IL1R1: variants seen among roughly 807,000 people sequenced by gnomAD.
The protein encoded by IL1R1 is interleukin 1 receptor type 1.
IL1R1 carries 22 observed loss-of-function variants against 50.2 expected under a neutral mutation model. That is an observed-to-expected ratio of 0.44 (90% CI 0.31 to 0.63). The LOEUF (loss-of-function observed/expected upper bound fraction) is 0.63, where lower values mean the gene tolerates loss of function less well. Ranked by LOEUF, IL1R1 falls within the 20% of genes least tolerant of loss-of-function variation. The pLI is 0.07. For synonymous variants in IL1R1, 251 were observed against 236.7 expected, an observed-to-expected ratio of 1.06 and a Z score of -0.55; for missense variants, 509 against 676.2, an observed-to-expected ratio of 0.75 and a Z score of 2.74.
In IL1R1 at chr2:102,165,096, C is replaced by CTATTT. The variant is rs748077949; in HGVS notation, c.297-6_297-2dup. 13 of 1,541,750 alleles carry CTATTT rather than the reference C, an allele frequency of 8.4e-6. No individual in the cohort carries two copies. The highest frequency in any genetic ancestry group is 2.0e-5 in the Admixed American group (1 of 49,086). ...ATACTTTTAATAATGCTTAACTTAC[C>CTATTT]TATTTTATTTTATTTTAGAAATTCA... is the stretch of plus-strand genomic sequence containing the variant. On this transcript the variant is annotated intron_variant, in intron 4 of 11. Coordinates refer to ENST00000410023, the MANE Select transcript of IL1R1 (RefSeq NM_000877.4).
intron 1 of IL1R1, among the ~76,000 whole-genome samples, chr2:102,077,756 C>T (rs919541419): frequency 1.3e-5 from 2 of 152,112 alleles, no homozygotes; most frequent in African/African-American, 4.8e-5. Context: ...CACACAAGAA[C>T]AGTGAAATAC....
intron 1 of IL1R1, among the ~76,000 whole-genome samples, chr2:102,128,444 A>C (rs1681846209): frequency 6.6e-6 from 1 of 152,242 alleles, no homozygotes; most frequent in African/African-American, 2.4e-5. Context: ...AATGTTTGGC[A>C]GGTAATGATC....
intron 7 of IL1R1, 136 bp from the exon 8 acceptor site, chr2:102,171,665 G>T (rs3917304): frequency 0.32 from 130,688 of 408,600 alleles, 22,579 homozygotes; most frequent in East Asian, 0.56. Flanking sequence ...GTTTTCTCTG[G>T]GTGGTGGGTT....
At chr2:102,176,286 C>T in intron 11 of IL1R1, 67 bp from the exon 12 acceptor site, 1 of 1,427,940 alleles carries the variant, frequency 7.0e-7, no homozygotes, top group Non-Finnish European at 9.6e-7. Context: ...CCTTGTGTGG[C>T]TTTGGTTCAG....
intron 3 of IL1R1, among the ~76,000 whole-genome samples, chr2:102,161,541 T>C (rs1368133846): frequency 6.6e-6 from 1 of 152,196 alleles, no homozygotes; most frequent in Non-Finnish European, 1.5e-5. Flanking sequence ...GAGTGGGGTT[T>C]CTCTAGTTTC....
At chr2:102,109,872 G>A (rs907322732) in intron 1 of IL1R1, among the ~76,000 whole-genome samples, 9 of 152,146 alleles carry the variant, frequency 5.9e-5, no homozygotes, top group Non-Finnish European at 1.2e-4. Context: ...GGCCAAGGGC[G>A]GCTTCGTTTC....
At chr2:102,080,407 G>A (rs1335061931) in intron 1 of IL1R1, among the ~76,000 whole-genome samples, 1 of 152,156 alleles carries the variant, frequency 6.6e-6, no homozygotes, top group Admixed American at 6.5e-5. Flanking sequence ...ATTAAAAAGT[G>A]AGCAAAAGAT....
At chr2:102,078,342 T>C (rs1162632184) in intron 1 of IL1R1, among the ~76,000 whole-genome samples, 1 of 151,892 alleles carries the variant, frequency 6.6e-6, no homozygotes, top group African/African-American at 2.4e-5. Flanking sequence ...AATTGAAAGA[T>C]GACTCAAATA....
chr2:102,094,030 A>T (rs2104319333), intron 1 of IL1R1, among the ~76,000 whole-genome samples: 1 of 152,288 alleles, frequency 6.6e-6, no homozygotes, highest in South Asian at 2.1e-4. Flanking sequence ...AAAACCAACC[A>T]ACCAACCAAC....
At chr2:102,137,296 C>CTT (rs2104429197) in intron 1 of IL1R1, among the ~76,000 whole-genome samples, 1 of 152,300 alleles carries the variant, frequency 6.6e-6, no homozygotes, top group South Asian at 2.1e-4. Flanking sequence ...TACCCTGAAA[C>CTT]TTGATGACTC....
chr2:102,098,681 G>C (rs1465680220), intron 1 of IL1R1, among the ~76,000 whole-genome samples: 1 of 152,116 alleles, frequency 6.6e-6, no homozygotes, highest in Non-Finnish European at 1.5e-5. Flanking sequence ...TTACAAAGAT[G>C]TATGTACATA....
At chr2:102,100,582 A>G (rs1680098286), upstream of IL1R1, among the ~76,000 whole-genome samples, 2 of 152,250 alleles carry the variant, frequency 1.3e-5, no homozygotes, top group African/African-American at 4.8e-5. Flanking sequence ...CTCACCATCT[A>G]ACAACCTCAT....
intron 3 of IL1R1, among the ~76,000 whole-genome samples, chr2:102,163,194 A>G (rs1684879716): frequency 6.6e-6 from 1 of 152,082 alleles, no homozygotes; most frequent in Non-Finnish European, 1.5e-5. Flanking sequence ...ACTGGTTTTA[A>G]ACAATTTTAT....
intron 1 of IL1R1, among the ~76,000 whole-genome samples, chr2:102,078,553 C>A (rs1456226499): frequency 8.0e-6 from 1 of 124,980 alleles, no homozygotes; most frequent in Non-Finnish European, 1.7e-5. Flanking sequence ...AATTAGCAGT[C>A]AAAAAACTTC....
chr2:102,152,681 T>C (rs1683795258), intron 1 of IL1R1, among the ~76,000 whole-genome samples: 1 of 151,784 alleles, frequency 6.6e-6, no homozygotes, highest in South Asian at 2.1e-4. Flanking sequence ...GCTGCTTTCA[T>C]ATCTGGGGCA....
intron 3 of IL1R1, among the ~76,000 whole-genome samples, chr2:102,159,329 A>G (rs1424564427): frequency 6.6e-6 from 1 of 152,242 alleles, no homozygotes; most frequent in Non-Finnish European, 1.5e-5. Flanking sequence ...TCCTTGGTCC[A>G]GTGAGTTTTC....
chr2:102,126,733 G>A (rs1049432951), intron 1 of IL1R1, among the ~76,000 whole-genome samples: 4 of 152,082 alleles, frequency 2.6e-5, no homozygotes, highest in Admixed American at 6.6e-5. Context: ...AACTCACTTA[G>A]GTTATAGCTA....
chr2:102,170,589 T>G (rs1685586002), intron 7 of IL1R1, among the ~76,000 whole-genome samples: 1 of 152,210 alleles, frequency 6.6e-6, no homozygotes, highest in South Asian at 2.1e-4. Flanking sequence ...TAAGACTTGT[T>G]TAGCAATAAC....
chr2:102,164,795 A>T lies in IL1R1; in HGVS notation c.83A>T (p.Glu28Val), dbSNP rs754771479. Residue 28 changes from glutamate (E) to valine (V), a missense_variant, in exon 4 of 12, where the codon GAA becomes GTA. By Grantham distance (121) the Glu-to-Val change is moderately radical. Coordinates refer to ENST00000410023, the MANE Select transcript of IL1R1 (RefSeq NM_000877.4). ...LEADKCKERE[E>V]KIILVSSANE... ...AAAGATAAATGCAAGGAACGTGAAG[A>T]AAAAATAATTTTAGTGTCATCTGCA... The T allele has an allele frequency of 6.2e-7, 1 of 1,613,508 alleles. No individual in the cohort carries two copies. The highest frequency in any genetic ancestry group is 8.5e-7 in the Non-Finnish European group (1 of 1,179,738).
Sources: gnomAD v4.1 joint callset for allele counts (sites outside exome capture counted in the v4.1 genomes callset) on GRCh38, gnomAD v4.1.1 for gene constraint, MANE v1.5 for transcripts, NCBI Gene and HGNC (gene_info 2026-07-23, HGNC 2026-07-21) for gene names.